Variants in PLXNA1 observed in about 807,000 individuals in gnomAD.
PLXNA1 encodes plexin A1.
In PLXNA1, 77 loss-of-function variants were observed where a neutral mutation model predicts 191.7. The observed-to-expected ratio is 0.40, with a 90% CI of 0.33 to 0.49. PLXNA1 has a LOEUF of 0.49. Ranked by LOEUF, PLXNA1 falls within the 20% of genes least tolerant of loss-of-function variation. The pLI is 0.63. For synonymous variants in PLXNA1, 1,137 were observed against 1,156.4 expected (o/e 0.98, Z 0.34); for missense variants, 2,110 against 2,660.2 (o/e 0.79, Z 4.55).
At chr3:126,992,523 G>T (rs975544788) in intron 3 of PLXNA1, among the ~76,000 whole-genome samples, 2 of 152,116 alleles carry the variant, frequency 1.3e-5, no homozygotes, top group African/African-American at 4.8e-5. Context: ...TGCCCTGGGA[G>T]TGGTGGGGAG....
chr3:127,001,093 G>A (rs1023949732), intron 3 of PLXNA1, among the ~76,000 whole-genome samples: 1 of 152,154 alleles, frequency 6.6e-6, no homozygotes, highest in Non-Finnish European at 1.5e-5. Context: ...GGAGCGGGGC[G>A]TTCTGGAGCC....
intron 1 of PLXNA1, among the ~76,000 whole-genome samples, chr3:126,983,507 G>A (rs1199167367): frequency 1.4e-5 from 2 of 146,324 alleles, no homozygotes; most frequent in African/African-American, 2.5e-5. Context: ...CTCCGGCCCA[G>A]GCGTCCGCGT....
At chr3:127,016,028 C>T (rs894875763) in intron 15 of PLXNA1, among the ~76,000 whole-genome samples, 3 of 152,110 alleles carry the variant, frequency 2.0e-5, no homozygotes, top group Non-Finnish European at 2.9e-5. Context: ...ACTCGGAGCC[C>T]CGGCTGAGTG....
chr3:127,027,857 T>C, intron 23 of PLXNA1, 83 bp from the exon 24 acceptor site: 2 of 1,577,042 alleles, frequency 1.3e-6, no homozygotes, highest in Non-Finnish European at 1.7e-6. Flanking sequence ...AGGAACACCA[T>C]GGCTGGCACT....
At chr3:126,996,940 G>C (rs533955996) in intron 3 of PLXNA1, among the ~76,000 whole-genome samples, 1 of 152,300 alleles carries the variant, frequency 6.6e-6, no homozygotes, top group Admixed American at 6.5e-5. Context: ...AGCGTGCATT[G>C]GGGGTGTGTC....
At chr3:127,002,432 T>C (rs1559956992) in intron 3 of PLXNA1, among the ~76,000 whole-genome samples, 1 of 152,236 alleles carries the variant, frequency 6.6e-6, no homozygotes, top group Non-Finnish European at 1.5e-5. Context: ...CAACCAGGGC[T>C]TTCGCTGGGC....
intron 4 of PLXNA1, among the ~76,000 whole-genome samples, chr3:127,003,746 G>C (rs1289590624): frequency 6.6e-6 from 1 of 152,194 alleles, no homozygotes; most frequent in Admixed American, 6.5e-5. Flanking sequence ...CCCCTCCCCT[G>C]TTGACTTCCT....
At chr3:126,985,331 G>T (rs561224651) in intron 1 of PLXNA1, among the ~76,000 whole-genome samples, 1 of 152,178 alleles carries the variant, frequency 6.6e-6, no homozygotes, top group South Asian at 2.1e-4. Context: ...TCTCTCCCTG[G>T]CTAGCCCCAT....
At position 127,018,301 on chromosome 3, in the gene PLXNA1, C is replaced by A. The variant is rs1432443767; in HGVS notation, c.3668C>A (p.Ala1223Glu). The stretch of plus-strand genomic sequence containing the variant: ...GCCTCCACCCACTGGCAGGTGCGGG[C>A]AGGTGGCTTCGAGTTCTCGCCAGGG... ...LTGQHKVTVR[A>E]GGFEFSPGTL... The change falls in exon 20 of 32, where the codon GCA (alanine) becomes GAA (glutamate). Residue 1223 changes from alanine (A) to glutamate (E), a missense_variant. By Grantham distance (107) the Ala-to-Glu change is moderately radical. This residue lies in a region of PLXNA1 where 644 missense variants were observed against 714.3 expected (regional missense o/e 0.90). Transcript: ENST00000393409. The A allele has an allele frequency of 6.2e-7, 1 of 1,601,178 alleles. No homozygotes were observed. Among genetic ancestry groups the A allele is most frequent in the African/African-American group, 1.3e-5 (1 of 74,568 alleles).
intron 3 of PLXNA1, among the ~76,000 whole-genome samples, chr3:126,996,633 G>A (rs2079016048): frequency 6.6e-6 from 1 of 152,218 alleles, no homozygotes; most frequent in Admixed American, 6.5e-5. Context: ...CCTGACCCAA[G>A]GGAGGTGCAG....
intron 29 of PLXNA1, among the ~76,000 whole-genome samples, chr3:127,030,941 C>G (rs577656134): frequency 6.6e-6 from 1 of 152,166 alleles, no homozygotes; most frequent in Non-Finnish European, 1.5e-5. Context: ...CAGCCTGCAC[C>G]GTGCACAGCT....
At chr3:126,991,020 T>G (rs6780073) in intron 2 of PLXNA1, among the ~76,000 whole-genome samples, 1 of 152,124 alleles carries the variant, frequency 6.6e-6, no homozygotes, top group South Asian at 2.1e-4. Flanking sequence ...GCCTGGCCCC[T>G]GCCAATGAAC....
intron 1 of PLXNA1, among the ~76,000 whole-genome samples, 179 bp downstream of exon 1, chr3:126,983,466 GCGCGTGTCCGCGGCC>G: frequency 1.4e-5 from 2 of 146,198 alleles, no homozygotes; most frequent in Admixed American, 1.4e-4. Context: ...GGACTGCGGC[GCGCGTGTCCGCGGCC>G]CGCGTGTCCC....
chr3:126,985,468 C>T (rs992248058), intron 1 of PLXNA1, among the ~76,000 whole-genome samples: 7 of 152,114 alleles, frequency 4.6e-5, no homozygotes, highest in Non-Finnish European at 7.4e-5. Flanking sequence ...GTGTTTCCCA[C>T]CCCAGGCCTT....
chr3:127,029,932 C>G lies in PLXNA1; in HGVS notation c.4929C>G (p.Ile1643Met). The change falls in exon 28 of 32, where the codon ATC becomes ATG. Residue 1643 changes from isoleucine (I) to methionine (M), a missense_variant. By Grantham distance (10) the Ile-to-Met change is conservative. Around this residue, in one of 4 missense-constraint regions of PLXNA1, gnomAD observed 559 missense variants for 911.5 expected, o/e 0.61. Coordinates refer to ENST00000393409, the MANE Select transcript of PLXNA1 (RefSeq NM_032242.4). ...GCCTGCGCTCGCGCACGCCCATGAT[C>G]ACGCCCGACCTGGAGAGCGGCACCA... is the stretch of plus-strand genomic sequence containing the variant. ...PDSLRSRTPM[I>M]TPDLESGTKL... The G allele has an allele frequency of 1.2e-6, 2 of 1,613,530 alleles. No individual in the cohort carries two copies. Among genetic ancestry groups the G allele is most frequent in the Non-Finnish European group, 1.7e-6 (2 of 1,179,938 alleles).
In PLXNA1 at chr3:126,989,824, C is replaced by T. The variant is rs369870488; in HGVS notation, c.1194+37C>T. On this transcript the variant is annotated intron_variant, in intron 2 of 31. Transcript: ENST00000393409. ...AGGGGCGCCCCTCCTCCCGCGGCCCCATCCCCTCCAGGGACGACGGCATCG... is the reference window on the plus strand; with the variant it reads ...AGGGGCGCCCCTCCTCCCGCGGCCCTATCCCCTCCAGGGACGACGGCATCG... 8.9e-5 allele frequency: 136 copies of T among 1,527,566 alleles called. 1 individual carries two copies. The South Asian group carries it at 1.4e-3, about 16-fold the overall frequency. 94.6% of individuals were successfully genotyped at this position (1,527,566 alleles called of 1,614,324 possible).
chr3:127,004,544 C>A, intron 4 of PLXNA1, 67 bp from the exon 5 acceptor site: 3 of 1,093,486 alleles, frequency 2.7e-6, no homozygotes, highest in Non-Finnish European at 4.1e-6. Flanking sequence ...AGTAGGGAGT[C>A]AGAGGTGAGG....
chr3:127,009,687 G>A (rs2079086560), intron 9 of PLXNA1, among the ~76,000 whole-genome samples: 1 of 151,866 alleles, frequency 6.6e-6, no homozygotes, highest in Non-Finnish European at 1.5e-5. Context: ...GCCACCATCC[G>A]CCCCCTGCCC....
At chr3:127,008,277 A>G (rs2079078513) in intron 9 of PLXNA1, among the ~76,000 whole-genome samples, 1 of 152,074 alleles carries the variant, frequency 6.6e-6, no homozygotes, top group Non-Finnish European at 1.5e-5. Flanking sequence ...TCAGGCTGCA[A>G]AGCAGGTGCG....
Sources: allele counts gnomAD v4.1 joint callset (sites outside exome capture counted in the v4.1 genomes callset), GRCh38; gene constraint gnomAD v4.1.1; regional missense constraint gnomAD v4.1.1; transcripts MANE v1.5; gene names NCBI Gene and HGNC (gene_info 2026-07-23, HGNC 2026-07-21).